The following KCNQ3 variants were observed in gnomAD, a reference collection of about 807,000 sequenced individuals.
The protein encoded by KCNQ3 is potassium voltage-gated channel subfamily Q member 3, also known as potassium voltage-gated channel subfamily KQT member 3.
KCNQ3 carries 30 observed loss-of-function variants against 92.5 expected under a neutral mutation model. The ratio of observed to expected loss-of-function variants is 0.32; its 90% CI spans 0.24 to 0.44. KCNQ3 has a LOEUF of 0.44. Among genes scored for constraint, KCNQ3 ranks in the 20% least tolerant of loss-of-function variants. The pLI is 1.00. For missense variants in KCNQ3, 913 were observed against 1,140.3 expected (o/e 0.80, Z 2.87); for synonymous variants, 450 against 468.8 (o/e 0.96, Z 0.52).
rs562793262 is a variant in KCNQ3 at position 132,201,141 on chromosome 8, T to A, written c.387-14960A>T. Among the ~76,000 whole-genome samples, 5 of 152,258 alleles carry A rather than the reference T, an allele frequency of 3.3e-5. No individual in the cohort carries two copies. In the South Asian group the frequency reaches 1.0e-3, roughly 32 times the overall value. On this transcript the variant is annotated intron_variant, in intron 1 of 14. Coordinates refer to ENST00000388996, the MANE Select transcript of KCNQ3 (RefSeq NM_004519.4). ...CCCTAAGATAATGGCATTAACATAT[T>A]TATGAAGGCAGAGCCGCCCTGACCT...
At chr8:132,352,521 C>T (rs1818905045) in intron 1 of KCNQ3, among the ~76,000 whole-genome samples, 1 of 152,152 alleles carries the variant, frequency 6.6e-6, no homozygotes, top group Non-Finnish European at 1.5e-5. Context: ...CCCCGAGCTG[C>T]TGTGAGGGCT....
chr8:132,360,090 C>A (rs1010240520), intron 1 of KCNQ3, among the ~76,000 whole-genome samples: 4 of 152,188 alleles, frequency 2.6e-5, no homozygotes, highest in African/African-American at 9.7e-5. Context: ...GACTCTACAG[C>A]ACAGCTAGGT....
At chr8:132,385,588 G>T (rs1819869188) in intron 1 of KCNQ3, among the ~76,000 whole-genome samples, 1 of 152,108 alleles carries the variant, frequency 6.6e-6, no homozygotes, top group Non-Finnish European at 1.5e-5. Context: ...TACCCCTTCT[G>T]CTCTCTCACA....
At chr8:132,371,346 A>T (rs925328201) in intron 1 of KCNQ3, among the ~76,000 whole-genome samples, 1 of 152,098 alleles carries the variant, frequency 6.6e-6, no homozygotes, top group African/African-American at 2.4e-5. Flanking sequence ...TTACAATATG[A>T]TCTACTGGAA....
chr8:132,419,014 A>C (rs1820894895), intron 1 of KCNQ3, among the ~76,000 whole-genome samples: 1 of 152,192 alleles, frequency 6.6e-6, no homozygotes, highest in Admixed American at 6.5e-5. Context: ...ACCTACCATA[A>C]GATACACAAA....
intron 1 of KCNQ3, among the ~76,000 whole-genome samples, chr8:132,446,361 A>G (rs1313036712): frequency 3.3e-5 from 5 of 152,178 alleles, no homozygotes; most frequent in African/African-American, 1.2e-4. Flanking sequence ...ACCTGAGAGC[A>G]CCCTGCCTGG....
chr8:132,371,234 TG>T (rs938505845), intron 1 of KCNQ3, among the ~76,000 whole-genome samples: 40 of 152,334 alleles, frequency 2.6e-4, no homozygotes, highest in African/African-American at 9.6e-4. Flanking sequence ...CAGTGGGACA[TG>T]GGGCACTTAG....
intron 1 of KCNQ3, among the ~76,000 whole-genome samples, chr8:132,397,769 A>G (rs1820228559): frequency 6.6e-6 from 1 of 152,182 alleles, no homozygotes; most frequent in African/African-American, 2.4e-5. Flanking sequence ...CAGAGAAGCT[A>G]AGGAACTTGT....
At chr8:132,315,183 T>C (rs1422663576) in intron 1 of KCNQ3, among the ~76,000 whole-genome samples, 1 of 151,964 alleles carries the variant, frequency 6.6e-6, no homozygotes, top group Non-Finnish European at 1.5e-5. Context: ...GCTGATATAA[T>C]GGAATTATGC....
intron 1 of KCNQ3, among the ~76,000 whole-genome samples, chr8:132,302,288 T>G (rs1817239251): frequency 6.6e-6 from 1 of 152,174 alleles, no homozygotes; most frequent in African/African-American, 2.4e-5. Flanking sequence ...ACTAGATATT[T>G]TACACTCGAA....
chr8:132,232,364 G>A (rs1249920479), intron 1 of KCNQ3, among the ~76,000 whole-genome samples: 1 of 152,206 alleles, frequency 6.6e-6, no homozygotes, highest in Non-Finnish European at 1.5e-5. Context: ...CATTCCTTGA[G>A]TGGTGAGGAT....
At chr8:132,331,165 C>T (rs1303362179) in intron 1 of KCNQ3, among the ~76,000 whole-genome samples, 1 of 152,162 alleles carries the variant, frequency 6.6e-6, no homozygotes, top group Non-Finnish European at 1.5e-5. Flanking sequence ...CTCCATCTAA[C>T]CTCAGGACAA....
chr8:132,457,471 A>T (rs1241859941), intron 1 of KCNQ3, among the ~76,000 whole-genome samples: 1 of 152,178 alleles, frequency 6.6e-6, no homozygotes, highest in African/African-American at 2.4e-5. Flanking sequence ...GGGTCCCTGG[A>T]TGCAGCCACT....
chr8:132,425,983 A>G (rs957347526), intron 1 of KCNQ3, among the ~76,000 whole-genome samples: 1 of 152,266 alleles, frequency 6.6e-6, no homozygotes. Context: ...AATGAATTCT[A>G]TTGTTAAAAC....
chr8:132,206,974 T>C (rs959828300), intron 1 of KCNQ3, among the ~76,000 whole-genome samples: 2 of 152,188 alleles, frequency 1.3e-5, no homozygotes, highest in Admixed American at 6.5e-5. Flanking sequence ...CACTTAGTTA[T>C]AAAATATTCA....
At position 132,480,550 on chromosome 8, in the gene KCNQ3, G is replaced by A. The variant is rs749151694; in HGVS notation, c.-18C>T. 4.0e-6 allele frequency: 5 copies of A among 1,254,192 alleles called. No individual in the cohort carries two copies. The highest frequency in any genetic ancestry group is 1.2e-4 in the East Asian group (2 of 16,032). The allele number at this position is 1,254,192 out of a possible 1,614,324, so 77.7% of individuals were successfully genotyped here. A position where few individuals can be genotyped will look rare whatever the true frequency, so the allele number is the denominator to read the frequency against. ...AGCCCCATCTGCCTCGCCCCCGCCG[G>A]CCGCTTCGCCTTCTCCGCTGCTGCT... On this transcript the variant is annotated 5_prime_UTR_variant, in exon 1 of 15. Coordinates refer to ENST00000388996, the MANE Select transcript of KCNQ3 (RefSeq NM_004519.4).
intron 1 of KCNQ3, among the ~76,000 whole-genome samples, chr8:132,281,842 A>G (rs758073205): frequency 3.9e-5 from 6 of 152,172 alleles, no homozygotes; most frequent in Non-Finnish European, 8.8e-5. Context: ...CCTGTCAAAG[A>G]TCAAGGTGCT....
chr8:132,124,702 T>A lies in KCNQ3; in HGVS notation c.*4560A>T, dbSNP rs1275384880. 1.3e-5 allele frequency: 2 copies of A among 152,194 alleles called. No homozygotes were observed. Among genetic ancestry groups the A allele is most frequent in the Admixed American group, 1.3e-4 (2 of 15,276 alleles). The allele number at this position is 152,194 out of a possible 1,614,324, so 9.4% of individuals were successfully genotyped here. A position where few individuals can be genotyped will look rare whatever the true frequency, so the allele number is the denominator to read the frequency against. On this transcript the variant is annotated 3_prime_UTR_variant, in exon 15 of 15. Coordinates refer to ENST00000388996, the MANE Select transcript of KCNQ3 (RefSeq NM_004519.4). ...TTGGGTTGATTTGAATATAAACAAC[T>A]TAGACTTTAAAAGTTCATCCTGAAA...
At chr8:132,190,742 A>T (rs978916913) in intron 1 of KCNQ3, among the ~76,000 whole-genome samples, 1 of 152,248 alleles carries the variant, frequency 6.6e-6, no homozygotes, top group Non-Finnish European at 1.5e-5. Flanking sequence ...AACTGAGATT[A>T]AAAAATTGTA....
Sources: gnomAD v4.1 joint callset for allele counts (sites outside exome capture counted in the v4.1 genomes callset) on GRCh38, gnomAD v4.1.1 for gene constraint, MANE v1.5 for transcripts, NCBI Gene and HGNC (gene_info 2026-07-23, HGNC 2026-07-21) for gene names.